GABRB2: variants seen among roughly 807,000 people sequenced by gnomAD.
GABRB2 encodes the protein gamma-aminobutyric acid type A receptor subunit beta2, also known as gamma-aminobutyric acid receptor subunit beta-2.
In GABRB2, 16 loss-of-function variants were observed where a neutral mutation model predicts 54.7. The ratio of observed to expected loss-of-function variants is 0.29; its 90% confidence interval spans 0.20 to 0.44. GABRB2 has a LOEUF of 0.44. Among genes scored for constraint, GABRB2 ranks in the 20% least tolerant of loss-of-function variants. GABRB2 has a pLI of 1.00. For synonymous variants in GABRB2, 244 were observed against 233.8 expected (o/e 1.04, Z -0.40); for missense variants, 355 against 644.0 (o/e 0.55, Z 4.86).
At chr5:161,312,870 C>T (rs886738049) in intron 9 of GABRB2, among the ~76,000 whole-genome samples, 3 of 148,454 alleles carry the variant, frequency 2.0e-5, no homozygotes, top group African/African-American at 7.7e-5. Context: ...GGGCAGTGGA[C>T]GATAAGAGAT....
chr5:161,447,412 T>A (rs1757666665), intron 4 of GABRB2, among the ~76,000 whole-genome samples: 1 of 152,194 alleles, frequency 6.6e-6, no homozygotes, highest in South Asian at 2.1e-4. Flanking sequence ...GTCAGCCTGT[T>A]ACAGCTGCTA....
Position 161,518,990 on chromosome 5 carries a change from T to G in GABRB2, c.237+26237A>C, listed in dbSNP as rs555049966. Among the ~76,000 whole-genome samples the G allele has an allele frequency of 3.9e-5, 6 of 152,250 alleles. No homozygotes were observed. In the South Asian group the frequency reaches 1.2e-3, roughly 32 times the overall value. The stretch of plus-strand genomic sequence containing the variant: ...GGCACCAACCTCACAACGACCACCT[T>G]TTGAGCTCTATAAGGTTAACAAAGA... On this transcript the variant is annotated intron_variant, in intron 3 of 9. Transcript: ENST00000393959.
At chr5:161,314,812 T>G (rs912657965) in intron 9 of GABRB2, among the ~76,000 whole-genome samples, 1 of 152,128 alleles carries the variant, frequency 6.6e-6, no homozygotes, top group African/African-American at 2.4e-5. Flanking sequence ...ACTACTTTCA[T>G]GATACCAGAA....
At chr5:161,371,847 G>A (rs567465951) in intron 5 of GABRB2, among the ~76,000 whole-genome samples, 1 of 151,814 alleles carries the variant, frequency 6.6e-6, no homozygotes, top group African/African-American at 2.4e-5. Context: ...TCAACCTCCT[G>A]AGTAGCTAGA....
intron 3 of GABRB2, among the ~76,000 whole-genome samples, chr5:161,504,969 C>T (rs1759560220): frequency 6.6e-6 from 1 of 152,040 alleles, no homozygotes; most frequent in South Asian, 2.1e-4. Flanking sequence ...ATTTTACACA[C>T]AAAAATCCCT....
chr5:161,491,261 T>C (rs1454352080), intron 3 of GABRB2, among the ~76,000 whole-genome samples: 3 of 151,526 alleles, frequency 2.0e-5, no homozygotes, highest in African/African-American at 4.8e-5. Context: ...ATAATAAAGG[T>C]AAAAACTGAA....
At chr5:161,463,582 T>A (rs1221893787) in intron 3 of GABRB2, among the ~76,000 whole-genome samples, 1 of 121,800 alleles carries the variant, frequency 8.2e-6, no homozygotes, top group East Asian at 2.5e-4. Flanking sequence ...TATATATATA[T>A]ATATATATAT....
intron 4 of GABRB2, among the ~76,000 whole-genome samples, chr5:161,457,448 C>CTT (rs199690111): frequency 7.9e-5 from 11 of 139,514 alleles, no homozygotes; most frequent in East Asian, 4.1e-4. Context: ...CCTCTCAATT[C>CTT]TTTTTTTTTT....
chr5:161,362,353 A>G (rs1055105261), intron 5 of GABRB2, among the ~76,000 whole-genome samples: 1 of 152,188 alleles, frequency 6.6e-6, no homozygotes, highest in Non-Finnish European at 1.5e-5. Context: ...CATTGAATCT[A>G]TAAATTACTT....
chr5:161,488,234 T>G (rs1304612131), intron 3 of GABRB2, among the ~76,000 whole-genome samples: 12 of 151,458 alleles, frequency 7.9e-5, no homozygotes, highest in Admixed American at 4.6e-4. Context: ...TTTAGTTTTT[T>G]TTTTTTTTTT....
intron 8 of GABRB2, among the ~76,000 whole-genome samples, chr5:161,328,366 C>A (rs1434302672): frequency 1.3e-5 from 2 of 152,136 alleles, no homozygotes; most frequent in African/African-American, 4.8e-5. Flanking sequence ...ATATTTATCA[C>A]TTCCTGAGTG....
At chr5:161,412,794 G>T (rs1023056711) in intron 4 of GABRB2, among the ~76,000 whole-genome samples, 6 of 152,314 alleles carry the variant, frequency 3.9e-5, no homozygotes, top group African/African-American at 1.4e-4. Context: ...TTTTCTGAGA[G>T]TCCCTTTCCA....
intron 9 of GABRB2, among the ~76,000 whole-genome samples, chr5:161,311,324 A>G (rs1262961445): frequency 6.6e-6 from 1 of 152,210 alleles, no homozygotes; most frequent in Non-Finnish European, 1.5e-5. Flanking sequence ...GGCTGCCAAT[A>G]ATAGAACTGA....
At chr5:161,478,251 A>G (rs954450770) in intron 3 of GABRB2, among the ~76,000 whole-genome samples, 2 of 152,028 alleles carry the variant, frequency 1.3e-5, no homozygotes, top group African/African-American at 4.8e-5. Context: ...GAAGACATGT[A>G]AGGGAAATTG....
chr5:161,534,506 C>T (rs1056778738), intron 3 of GABRB2, among the ~76,000 whole-genome samples: 1 of 152,100 alleles, frequency 6.6e-6, no homozygotes, highest in South Asian at 2.1e-4. Flanking sequence ...ATGCATGATG[C>T]GCTTCTGAAA....
At chr5:161,495,206 T>A (rs1238015592) in intron 3 of GABRB2, among the ~76,000 whole-genome samples, 1 of 151,994 alleles carries the variant, frequency 6.6e-6, no homozygotes, top group Non-Finnish European at 1.5e-5. Flanking sequence ...ATCTGAACAC[T>A]GTTATTGTAA....
intron 3 of GABRB2, among the ~76,000 whole-genome samples, chr5:161,515,655 A>T (rs904565094): frequency 6.6e-6 from 1 of 152,206 alleles, no homozygotes; most frequent in Non-Finnish European, 1.5e-5. Context: ...AAGAACATGT[A>T]GAAGAACTCA....
intron 4 of GABRB2, among the ~76,000 whole-genome samples, chr5:161,429,742 T>G (rs1399654552): frequency 6.6e-6 from 1 of 152,102 alleles, no homozygotes; most frequent in Admixed American, 6.6e-5. Flanking sequence ...TTATAAGGGA[T>G]TTAAGTCTAA....
intron 5 of GABRB2, 43 bp from the exon 6 acceptor site, chr5:161,336,812 A>G (rs1561612956): frequency 6.5e-7 from 1 of 1,543,974 alleles, no homozygotes; most frequent in Non-Finnish European, 8.7e-7. Context: ...AAATACAGAA[A>G]ACAAAAAAAA....
Sources: allele counts gnomAD v4.1 joint callset (sites outside exome capture counted in the v4.1 genomes callset), GRCh38; gene constraint gnomAD v4.1.1; transcripts MANE v1.5; gene names NCBI Gene and HGNC (gene_info 2026-07-23, HGNC 2026-07-21).